ZNF438: variants seen among roughly 807,000 people sequenced by gnomAD.
The protein encoded by ZNF438 is zinc finger protein 438.
A neutral mutation model predicts 38.0 loss-of-function variants in ZNF438; 25 were observed. That is an observed-to-expected ratio of 0.66 (90% CI 0.48 to 0.92). ZNF438 has a LOEUF of 0.92. ZNF438 is among the 40% of genes least tolerant of loss of function. The pLI is 0.00. For missense variants in ZNF438, 1,007 were observed against 999.6 expected, an observed-to-expected ratio of 1.01 and a Z score of -0.10; for synonymous variants, 372 against 364.1, an observed-to-expected ratio of 1.02 and a Z score of -0.25.
At chr10:30,986,593 T>C (rs2052817933) in intron 1 of ZNF438, among the ~76,000 whole-genome samples, 1 of 152,230 alleles carries the variant, frequency 6.6e-6, no homozygotes, top group African/African-American at 2.4e-5. Flanking sequence ...ATAGGTTCAG[T>C]ATCCCTTACC....
intron 1 of ZNF438, among the ~76,000 whole-genome samples, chr10:31,015,704 C>T (rs368619378): frequency 2.0e-5 from 3 of 152,168 alleles, no homozygotes; most frequent in African/African-American, 4.8e-5. Flanking sequence ...AATCTAAATG[C>T]CAATATACTA....
chr10:30,906,726 G>T (rs1440804249), intron 3 of ZNF438, among the ~76,000 whole-genome samples: 1 of 152,110 alleles, frequency 6.6e-6, no homozygotes, highest in Non-Finnish European at 1.5e-5. Flanking sequence ...TCTTTATCAG[G>T]GTGAGGAAGT....
intron 1 of ZNF438, among the ~76,000 whole-genome samples, chr10:30,955,664 GAAACATGCAACC>G (rs1564731714): frequency 6.6e-6 from 1 of 152,046 alleles, no homozygotes; most frequent in Non-Finnish European, 1.5e-5. Context: ...CTCAGTCAAC[GAAACATGCAACC>G]AAAAATCACC....
chr10:30,845,105 A>G (rs1264002277), exon 6 of ZNF438: 1 of 1,614,086 alleles, frequency 6.2e-7, no homozygotes, highest in African/African-American at 1.3e-5. Flanking sequence ...GCATCTCTGC[A>G]CAAAGCAGGC....
At chr10:30,923,523 T>A (rs1160128793) in intron 2 of ZNF438, 3 of 152,226 alleles carry the variant, frequency 2.0e-5, no homozygotes, top group Non-Finnish European at 4.4e-5. Context: ...TCCATCTTTT[T>A]CATATGGACA....
intron 3 of ZNF438, among the ~76,000 whole-genome samples, chr10:30,887,094 T>C (rs1297945762): frequency 2.6e-5 from 4 of 152,156 alleles, no homozygotes; most frequent in African/African-American, 9.7e-5. Context: ...ATATCCTCAA[T>C]CACATCCTTT....
chr10:30,848,140 G>A (rs950717625), intron 5 of ZNF438, among the ~76,000 whole-genome samples: 2 of 152,210 alleles, frequency 1.3e-5, no homozygotes, highest in Non-Finnish European at 2.9e-5. Context: ...TGAAGAGGGT[G>A]GGGTCTGGGC....
intron 3 of ZNF438, among the ~76,000 whole-genome samples, chr10:30,882,359 A>G (rs1191787660): frequency 2.6e-5 from 4 of 152,184 alleles, no homozygotes; most frequent in Admixed American, 6.5e-5. Flanking sequence ...ATCCCTTCCT[A>G]CCAACCCAAG....
intron 4 of ZNF438, among the ~76,000 whole-genome samples, chr10:30,871,502 C>T (rs2037402941): frequency 6.6e-6 from 1 of 152,088 alleles, no homozygotes; most frequent in Non-Finnish European, 1.5e-5. Flanking sequence ...TATAAAAGAC[C>T]TAATTGATAC....
At chr10:30,936,530 C>T (rs546842789) in intron 2 of ZNF438, among the ~76,000 whole-genome samples, 13 of 152,094 alleles carry the variant, frequency 8.5e-5, no homozygotes, top group Non-Finnish European at 1.6e-4. Context: ...AAAAATTAGC[C>T]AGGCATGGTG....
At chr10:30,930,094 C>T (rs996437030) in intron 2 of ZNF438, among the ~76,000 whole-genome samples, 8 of 148,146 alleles carry the variant, frequency 5.4e-5, no homozygotes, top group Non-Finnish European at 6.0e-5. Flanking sequence ...GAGCAGGTGC[C>T]GCAGAGCAGG....
At chr10:30,905,774 T>G (rs2042517611) in intron 3 of ZNF438, among the ~76,000 whole-genome samples, 1 of 152,232 alleles carries the variant, frequency 6.6e-6, no homozygotes, top group Admixed American at 6.5e-5. Context: ...TTTGAATTAA[T>G]TTTTATATAT....
At chr10:30,910,540 G>C (rs962424973) in intron 2 of ZNF438, 3 of 151,816 alleles carry the variant, frequency 2.0e-5, no homozygotes, top group African/African-American at 7.3e-5. Flanking sequence ...TCAGTATGAA[G>C]AGAGTCTCAG....
chr10:30,950,887 A>C (rs1216144372), intron 1 of ZNF438, among the ~76,000 whole-genome samples: 4 of 127,684 alleles, frequency 3.1e-5, no homozygotes, highest in Non-Finnish European at 6.7e-5. Flanking sequence ...AATCCTCCCT[A>C]ACTCATTTTA....
intron 2 of ZNF438, among the ~76,000 whole-genome samples, chr10:30,916,790 C>T (rs2043687988): frequency 1.3e-5 from 2 of 152,006 alleles, no homozygotes; most frequent in Admixed American, 1.3e-4. Context: ...ATGTAGATTA[C>T]CAAGAGTTTC....
chr10:31,000,516 C>T (rs182838061), intron 1 of ZNF438, among the ~76,000 whole-genome samples: 28 of 152,328 alleles, frequency 1.8e-4, no homozygotes, highest in Admixed American at 1.6e-3. Context: ...TATATTCCCT[C>T]CCATCCATTT....
intron 1 of ZNF438, among the ~76,000 whole-genome samples, chr10:30,943,878 A>G (rs2047083113): frequency 6.6e-6 from 1 of 152,050 alleles, no homozygotes; most frequent in East Asian, 1.9e-4. Flanking sequence ...AAACAAACAA[A>G]CAAACAAACA....
chr10:30,874,114 GTATATATATATATATATATATATATA>G (rs58422289), intron 4 of ZNF438, among the ~76,000 whole-genome samples: 17 of 80,298 alleles, frequency 2.1e-4, no homozygotes, highest in Non-Finnish European at 2.7e-4. Flanking sequence ...GTGTGTGTGT[GTATATATATATATATATATATATATA>G]TATATATATA....
chr10:30,926,614 C>A (rs1299780116), intron 2 of ZNF438, among the ~76,000 whole-genome samples: 2 of 150,262 alleles, frequency 1.3e-5, no homozygotes, highest in Non-Finnish European at 3.0e-5. Flanking sequence ...TGCAGTGAGC[C>A]AAGATTGTGC....
Sources: allele counts gnomAD v4.1 joint callset (sites outside exome capture counted in the v4.1 genomes callset), GRCh38; gene constraint gnomAD v4.1.1; transcripts MANE v1.5; gene names NCBI Gene and HGNC (gene_info 2026-07-23, HGNC 2026-07-21).